The following AKAP12 variants were observed in gnomAD, a reference collection of about 807,000 sequenced individuals.
The protein encoded by AKAP12 is A-kinase anchoring protein 12.
A neutral mutation model predicts 79.9 loss-of-function variants in AKAP12; 32 were observed. That is an observed-to-expected ratio of 0.40 (90% CI 0.30 to 0.54). The LOEUF (loss-of-function observed/expected upper bound fraction) is 0.54. AKAP12 is among the 20% of genes least tolerant of loss of function. The probability of loss-of-function intolerance (pLI) is 0.48; values close to 1 mark genes in which losing one functional copy is unlikely to be tolerated. For missense variants in AKAP12, 2,074 were observed against 2,177.0 expected (o/e 0.95, Z 0.94); for synonymous variants, 808 against 857.0 (o/e 0.94, Z 1.00).
chr6:151,350,547 A>G lies in AKAP12; in HGVS notation c.2156A>G (p.Lys719Arg), dbSNP rs1291177304. Residue 719 changes from lysine (K) to arginine (R), a missense_variant, in exon 4 of 5, where the codon AAA (lysine) becomes AGA (arginine). By Grantham distance (26) the Lys-to-Arg change is conservative (BLOSUM62 2). Around this residue, in one of 3 missense-constraint regions of AKAP12, gnomAD observed 1,428 missense variants for 1,451.0 expected, o/e 0.98. Coordinates refer to ENST00000402676, the MANE Select transcript of AKAP12 (RefSeq NM_005100.4). This position sits in a 1 kb window ranked among gnomAD's most constrained non-coding sequence, Gnocchi z 4.8. The stretch of plus-strand genomic sequence containing the variant: ...CACCAGAAAGCTGATGAGGCCGGAA[A>G]AGACAAAGAGACGGGGACAGACGGG... ...GDHQKADEAG[K>R]DKETGTDGIL... 1 of 1,614,152 alleles carries G rather than the reference A, an allele frequency of 6.2e-7. No homozygotes were observed. Among genetic ancestry groups the G allele is most frequent in the Non-Finnish European group, 8.5e-7 (1 of 1,180,034 alleles).
intron 3 of AKAP12, among the ~76,000 whole-genome samples, chr6:151,336,301 G>C (rs957635880): frequency 6.6e-6 from 1 of 152,192 alleles, no homozygotes; most frequent in Non-Finnish European, 1.5e-5. Flanking sequence ...GGATTGCTGT[G>C]TGGAATGGTA....
rs1313303973 is a variant in AKAP12 at position 151,345,928 on chromosome 6, TGTGTGAGAGAGAGA to T, written c.320-2781_320-2768del. On this transcript the variant is annotated intron_variant, in intron 3 of 4. Coordinates refer to ENST00000402676, the MANE Select transcript of AKAP12 (RefSeq NM_005100.4). ...GTGTGTGTGTGTGTGTGTGTGTGTG[TGTGTGAGAGAGAGA>T]GAGAGAGAGAGAGAGAGAGAGAAAG... is the stretch of plus-strand genomic sequence containing the variant. Among the ~76,000 whole-genome samples, 6 of 110,810 alleles carry T rather than the reference TGTGTGAGAGAGAGA, an allele frequency of 5.4e-5. No individual in the cohort carries two copies. The South Asian group carries it at 8.3e-4, about 15-fold the overall frequency. 72.7% of individuals were successfully genotyped at this position (110,810 alleles called of 152,430 possible).
chr6:151,273,547 C>T (rs574732185), intron 2 of AKAP12, among the ~76,000 whole-genome samples: 1 of 152,294 alleles, frequency 6.6e-6, no homozygotes, highest in South Asian at 2.1e-4. Context: ...TCCTTTTACC[C>T]TCATCTCTCC....
intron 2 of AKAP12, among the ~76,000 whole-genome samples, chr6:151,258,926 C>CTGTGTGTGTG (rs35650826): frequency 6.0e-4 from 89 of 148,070 alleles, no homozygotes; most frequent in African/African-American, 1.8e-3. Context: ...TGTGCCCAGC[C>CTGTGTGTGTG]TGTGTGTGTG....
Position 151,349,261 on chromosome 6 carries a change from T to G in AKAP12, c.870T>G (p.Ser290Arg), listed in dbSNP as rs372605345. The stretch of plus-strand genomic sequence containing the variant: ...AATCTCCGACTAGTCCCGTGACCAG[T>G]GAAACAGGATCAACCTTCAAAAAAT... ...SAESPTSPVT[S>R]ETGSTFKKFF... Residue 290 changes from serine (S) to arginine (R), a missense_variant, in exon 4 of 5, where the codon AGT (serine) becomes AGG (arginine). Around this residue, in one of 3 missense-constraint regions of AKAP12, gnomAD observed 1,428 missense variants for 1,451.0 expected, o/e 0.98. Transcript: ENST00000402676. The G allele has an allele frequency of 1.2e-5, 20 of 1,613,148 alleles. No homozygotes were observed. The highest frequency in any genetic ancestry group is 1.7e-5 in the Non-Finnish European group (20 of 1,179,834).
chr6:151,338,952 C>G (rs74541586), intron 3 of AKAP12, among the ~76,000 whole-genome samples: 5,346 of 152,296 alleles, frequency 0.035, 301 homozygotes, highest in African/African-American at 0.12. Flanking sequence ...AGCACTTTAG[C>G]ACCCATTGAT....
chr6:151,327,041 T>G (rs958406453), intron 3 of AKAP12, among the ~76,000 whole-genome samples: 1 of 152,058 alleles, frequency 6.6e-6, no homozygotes, highest in African/African-American at 2.4e-5. Context: ...GGTCTCGATC[T>G]CTTGACCTTG....
At chr6:151,347,953 C>T (rs1400361060) in intron 3 of AKAP12, among the ~76,000 whole-genome samples, 3 of 151,410 alleles carry the variant, frequency 2.0e-5, no homozygotes, top group Non-Finnish European at 4.4e-5. Flanking sequence ...GGGTGGATCA[C>T]GAGGTCAGAA....
intron 2 of AKAP12, among the ~76,000 whole-genome samples, chr6:151,251,223 C>A (rs971574625): frequency 6.6e-6 from 1 of 152,160 alleles, no homozygotes; most frequent in Non-Finnish European, 1.5e-5. Context: ...TGCAGCCCGT[C>A]GATGTTAAGA....
Position 151,353,386 on chromosome 6 carries a change from A to G in AKAP12, c.4995A>G (p.Glu1665=), listed in dbSNP as rs756548038. ...AAGAGGTCGTCCTCCCATCTGAGGA[A>G]GAGGGAGGTGGAGCTGGAACAAAGT... ...QLEEVVLPSE[E]EGGGAGTKSV... Residue 1665 remains glutamate (E), a synonymous_variant, in exon 4 of 5, where the codon GAA becomes GAG. Transcript: ENST00000402676. 3.1e-6 allele frequency: 5 copies of G among 1,614,168 alleles called. No individual in the cohort carries two copies. In the South Asian group the frequency reaches 3.3e-5, roughly 11 times the overall value.
At chr6:151,242,417 CCTTTTAA>C (rs1435329362) in intron 2 of AKAP12, among the ~76,000 whole-genome samples, 3 of 152,212 alleles carry the variant, frequency 2.0e-5, no homozygotes, top group Non-Finnish European at 2.9e-5. Context: ...CAAACAACCT[CCTTTTAA>C]AAAATCACTT....
At chr6:151,243,320 G>GTA (rs1211957428) in intron 2 of AKAP12, among the ~76,000 whole-genome samples, 3 of 152,172 alleles carry the variant, frequency 2.0e-5, no homozygotes, top group Admixed American at 6.5e-5. Context: ...ATTAAAGGTT[G>GTA]TAGGCAGATC....
chr6:151,324,752 A>G (rs1308752118), intron 3 of AKAP12: 1 of 985,326 alleles, frequency 1.0e-6, no homozygotes, highest in Non-Finnish European at 1.2e-6. Context: ...CTAACAAAAA[A>G]TTGGAGTACA....
At chr6:151,271,705 G>C (rs1776186393) in intron 2 of AKAP12, among the ~76,000 whole-genome samples, 1 of 152,070 alleles carries the variant, frequency 6.6e-6, no homozygotes, top group East Asian at 1.9e-4. Context: ...TGTCGCCCAG[G>C]CTGGAGTGCA....
intron 2 of AKAP12, among the ~76,000 whole-genome samples, chr6:151,271,544 A>G (rs1776181671): frequency 6.7e-6 from 1 of 150,168 alleles, no homozygotes. Flanking sequence ...CTGGTCTTGA[A>G]CTCCTGAGGT....
At chr6:151,249,841 C>G (rs1293416353) in intron 2 of AKAP12, among the ~76,000 whole-genome samples, 1 of 152,168 alleles carries the variant, frequency 6.6e-6, no homozygotes, top group Non-Finnish European at 1.5e-5. Flanking sequence ...ATAGCAAGCC[C>G]ATGGTTTAAA....
intron 3 of AKAP12, among the ~76,000 whole-genome samples, chr6:151,341,988 G>A (rs1219623977): frequency 6.6e-6 from 1 of 152,240 alleles, no homozygotes; most frequent in Non-Finnish European, 1.5e-5. Context: ...TCCCGTGACA[G>A]GTGCCAAAAC....
At chr6:151,251,665 A>G (rs945732684) in intron 2 of AKAP12, among the ~76,000 whole-genome samples, 19 of 152,224 alleles carry the variant, frequency 1.2e-4, no homozygotes, top group African/African-American at 4.6e-4. Flanking sequence ...TAGAACAGAG[A>G]ACATCACTTG....
chr6:151,252,127 A>G (rs1797189843), intron 2 of AKAP12, among the ~76,000 whole-genome samples: 1 of 152,114 alleles, frequency 6.6e-6, no homozygotes, highest in African/African-American at 2.4e-5. Flanking sequence ...AGCAGAGACC[A>G]CTGGCATTGG....
Sources: gnomAD v4.1 joint callset for allele counts (sites outside exome capture counted in the v4.1 genomes callset) on GRCh38, gnomAD v4.1.1 for gene constraint, gnomAD v4.1.1 regional missense constraint, Gnocchi (gnomAD v3.1) non-coding constraint, MANE v1.5 for transcripts, NCBI Gene and HGNC (gene_info 2026-07-23, HGNC 2026-07-21) for gene names.